The following ZFP14 variants were observed in gnomAD, a reference collection of about 807,000 sequenced individuals.
ZFP14 encodes the protein ZFP14 zinc finger protein, also known as zinc finger protein 14 homolog.
Under a neutral mutation model 54.5 loss-of-function variants are expected in ZFP14, and 22 were observed. That is an observed-to-expected ratio of 0.40 (90% CI 0.29 to 0.58). The LOEUF (loss-of-function observed/expected upper bound fraction) is 0.58, where lower values mean the gene tolerates loss of function less well. Ranked by LOEUF, ZFP14 falls within the 20% of genes least tolerant of loss-of-function variation. The probability of loss-of-function intolerance (pLI) is 0.39; values close to 1 mark genes in which losing one functional copy is unlikely to be tolerated. For synonymous variants in ZFP14, 159 were observed against 204.0 expected (o/e 0.78, Z 1.88); for missense variants, 470 against 637.8 (o/e 0.74, Z 2.83).
chr19:36,356,093 C>T (rs2031608298), intron 4 of ZFP14, among the ~76,000 whole-genome samples: 1 of 138,226 alleles, frequency 7.2e-6, no homozygotes, highest in South Asian at 2.3e-4. Flanking sequence ...TCACCCAGCC[C>T]CTCCCAGTGT....
At chr19:36,351,931 C>T (rs2031532415) in intron 4 of ZFP14, among the ~76,000 whole-genome samples, 2 of 143,416 alleles carry the variant, frequency 1.4e-5, no homozygotes, top group Admixed American at 7.1e-5. Context: ...CGCCTGTAAT[C>T]CCAGCACTTT....
At chr19:36,362,751 G>A in intron 2 of ZFP14, 2 of 226,592 alleles carry the variant, frequency 8.8e-6, no homozygotes, top group South Asian at 4.8e-5. Flanking sequence ...TAAAAAAAAA[G>A]AAATATGAGG....
At chr19:36,378,443 G>A (rs2031997114) in intron 1 of ZFP14, 1 of 152,170 alleles carries the variant, frequency 6.6e-6, no homozygotes, top group Admixed American at 6.5e-5. Context: ...TTCCTAGCCT[G>A]ATTAATGACA....
intron 4 of ZFP14, among the ~76,000 whole-genome samples, chr19:36,345,128 T>C (rs781590061): frequency 6.6e-6 from 1 of 152,184 alleles, no homozygotes; most frequent in Non-Finnish European, 1.5e-5. Flanking sequence ...CTGAGCGTTT[T>C]GGCAAATGCC....
intron 1 of ZFP14, chr19:36,378,501 G>C (rs2031998110): frequency 6.6e-6 from 1 of 152,174 alleles, no homozygotes. Flanking sequence ...CCACAGAAGA[G>C]GAAAGCAAAT....
Position 36,339,698 on chromosome 19 carries a change from G to A in ZFP14, c.*526C>T, listed in dbSNP as rs1175487944. Reference sequence around the variant, plus strand: ...GTAACAACTATGTTAGTCTGGATGTGGATCCTTCCCCAGTTGAGCCTTCAG... The same window carrying A: ...GTAACAACTATGTTAGTCTGGATGTAGATCCTTCCCCAGTTGAGCCTTCAG... On this transcript the variant is annotated 3_prime_UTR_variant, in exon 5 of 5. Coordinates refer to ENST00000270001, the MANE Select transcript of ZFP14 (RefSeq NM_020917.3). 1 of 152,640 alleles carries A rather than the reference G, an allele frequency of 6.6e-6. No homozygotes were observed. Among genetic ancestry groups the A allele is most frequent in the Non-Finnish European group, 1.5e-5 (1 of 68,406 alleles). 9.5% of individuals were successfully genotyped at this position (152,640 alleles called of 1,614,324 possible). A position where few individuals can be genotyped will look rare whatever the true frequency, so the allele number is the denominator to read the frequency against.
chr19:36,353,861 C>G lies in ZFP14; in HGVS notation c.235+6574G>C, dbSNP rs1343996838. On this transcript the variant is annotated intron_variant, in intron 4 of 4. Transcript: ENST00000270001. ...GACTGAGGTGGGAGGATCGCTTGAG[C>G]CTAGGAGTTCAAGACCAGCCTGGGC... 2.1e-5 allele frequency among the ~76,000 whole-genome samples: 3 copies of G among 140,314 alleles called. 1 individual carries two copies. The highest frequency in any genetic ancestry group is 3.1e-5 in the Non-Finnish European group (2 of 63,630). The allele number at this position is 140,314 out of a possible 152,430, so 92.1% of individuals were successfully genotyped here.
At chr19:36,348,051 A>G (rs2145544650) in intron 4 of ZFP14, among the ~76,000 whole-genome samples, 1 of 152,154 alleles carries the variant, frequency 6.6e-6, no homozygotes, top group South Asian at 2.1e-4. Flanking sequence ...GAGTGAGAAA[A>G]AAAAAAGTCT....
intron 4 of ZFP14, among the ~76,000 whole-genome samples, chr19:36,342,379 G>T (rs1037656926): frequency 4.0e-5 from 6 of 151,316 alleles, no homozygotes; most frequent in African/African-American, 1.5e-4. Context: ...TAGAGACAGG[G>T]TTTCACCATG....
At chr19:36,378,661 G>A (rs1311152606) in intron 1 of ZFP14, 1 of 152,294 alleles carries the variant, frequency 6.6e-6, no homozygotes, top group African/African-American at 2.4e-5. Flanking sequence ...TGGGAAAGGA[G>A]ACGGGAATCT....
rs537316464 is a variant in ZFP14 at position 36,372,479 on chromosome 19, C to G, written c.-79-4508G>C. Among the ~76,000 whole-genome samples the G allele has an allele frequency of 5.9e-5, 9 of 152,180 alleles. No homozygotes were observed. The East Asian group carries it at 1.7e-3, about 29-fold the overall frequency. On this transcript the variant is annotated intron_variant, in intron 1 of 4. Coordinates refer to ENST00000270001, the MANE Select transcript of ZFP14 (RefSeq NM_020917.3). ...AGAGACTATTATGAACAAACATACA[C>G]CAGAAAATTGGATAACCTAAAATAA...
At chr19:36,370,795 T>A (rs2031866703) in intron 1 of ZFP14, among the ~76,000 whole-genome samples, 1 of 152,238 alleles carries the variant, frequency 6.6e-6, no homozygotes, top group Admixed American at 6.5e-5. Flanking sequence ...CTTTCCCAGA[T>A]GAACCTCATT....
intron 1 of ZFP14, among the ~76,000 whole-genome samples, chr19:36,370,250 T>G (rs572359052): frequency 6.6e-6 from 1 of 152,148 alleles, no homozygotes. Context: ...GGCAGCACAG[T>G]GTAGACAGAG....
intron 2 of ZFP14, among the ~76,000 whole-genome samples, chr19:36,365,826 G>A (rs1277587714): frequency 2.0e-5 from 3 of 152,032 alleles, no homozygotes; most frequent in African/African-American, 7.2e-5. Flanking sequence ...CAAGAGTGGT[G>A]GCACGTGCCT....
At chr19:36,357,521 GGTTT>G (rs1441899617) in intron 4 of ZFP14, among the ~76,000 whole-genome samples, 2 of 152,114 alleles carry the variant, frequency 1.3e-5, no homozygotes, top group Non-Finnish European at 2.9e-5. Flanking sequence ...AAAGCTGAGA[GGTTT>G]GTTTATTTGT....
In ZFP14 at chr19:36,341,473, A is replaced by G; in HGVS notation, c.353T>C (p.Ile118Thr). Residue 118 changes from isoleucine (I) to threonine (T), a missense_variant, in exon 5 of 5, where the codon ATT (isoleucine) becomes ACT (threonine). Coordinates refer to ENST00000270001, the MANE Select transcript of ZFP14 (RefSeq NM_020917.3). The surrounding 1 kb of genome is among the most constrained non-coding windows in gnomAD (Gnocchi z 4.2). ...RIKSYSLQGS[I>T]FRNDWECKSK... ...TTTGCATTCCCAATCATTCCTAAAA[A>G]TGGAACCCTGAAGGCTATAGCTTTT... 6.2e-7 allele frequency: 1 copy of G among 1,614,168 alleles called. No homozygotes were observed. Among genetic ancestry groups the G allele is most frequent in the Non-Finnish European group, 8.5e-7 (1 of 1,180,036 alleles).
chr19:36,334,494 T>G lies in ZFP14; in HGVS notation c.*5730A>C, dbSNP rs1334201318. 1 of 152,252 alleles carries G rather than the reference T, an allele frequency of 6.6e-6. No homozygotes were observed. Among genetic ancestry groups the G allele is most frequent in the East Asian group, 1.9e-4 (1 of 5,204 alleles). The allele number at this position is 152,252 out of a possible 1,614,324, so 9.4% of individuals were successfully genotyped here. On this transcript the variant is annotated 3_prime_UTR_variant, in exon 5 of 5. Transcript: ENST00000270001. Reference sequence around the variant, plus strand: ...ATCTTTATTACCACAGAAACTCATTTATGTCCTTAATCATTGTTTAATATA... The same window carrying G: ...ATCTTTATTACCACAGAAACTCATTGATGTCCTTAATCATTGTTTAATATA...
At chr19:36,344,753 T>G (rs1409569977) in intron 4 of ZFP14, among the ~76,000 whole-genome samples, 1 of 152,148 alleles carries the variant, frequency 6.6e-6, no homozygotes, top group African/African-American at 2.4e-5. Flanking sequence ...GGTTGCACAC[T>G]CCTTATGAGA....
In ZFP14 at chr19:36,362,233, T is replaced by C; in HGVS notation, c.15A>G (p.Ser5=). 1.3e-6 allele frequency: 2 copies of C among 1,589,280 alleles called. No individual in the cohort carries two copies. Among genetic ancestry groups the C allele is most frequent in the Admixed American group, 1.9e-5 (1 of 52,076 alleles). The change falls in exon 3 of 5, where the codon TCA becomes TCG. Residue 5 remains serine (S), a synonymous_variant. Coordinates refer to ENST00000270001, the MANE Select transcript of ZFP14 (RefSeq NM_020917.3). ...CTATGGCCACATCCCTGAATGTCAC[T>C]GAACCCTGAAAAAACAAACTCAGGT... MAHG[S]VTFRDVAIDF... is the part of the protein sequence containing the mutation.
Sources: gnomAD v4.1 joint callset for allele counts (sites outside exome capture counted in the v4.1 genomes callset) on GRCh38, gnomAD v4.1.1 for gene constraint, Gnocchi (gnomAD v3.1) non-coding constraint, MANE v1.5 for transcripts, NCBI Gene and HGNC (gene_info 2026-07-23, HGNC 2026-07-21) for gene names.